Variants in TAFA2 observed in about 807,000 individuals in gnomAD.
The protein encoded by TAFA2 is chemokine-like protein TAFA-2.
In TAFA2, 7 loss-of-function variants were observed where a neutral mutation model predicts 18.8. The ratio of observed to expected loss-of-function variants is 0.37; its 90% CI spans 0.21 to 0.70. The LOEUF is 0.70. Among genes scored for constraint, TAFA2 ranks in the 30% least tolerant of loss-of-function variants. TAFA2 has a pLI of 0.53. For synonymous variants in TAFA2, 60 were observed against 54.2 expected (o/e 1.11, Z -0.47); for missense variants, 122 against 158.1 (o/e 0.77, Z 1.23).
intron 1 of TAFA2, among the ~76,000 whole-genome samples, chr12:62,098,533 A>C (rs981349754): frequency 9.2e-5 from 14 of 152,178 alleles, no homozygotes; most frequent in Non-Finnish European, 1.3e-4. Flanking sequence ...ACAGGCAGAG[A>C]CAGACAGATT....
intron 2 of TAFA2, among the ~76,000 whole-genome samples, chr12:61,836,161 T>C (rs1237001807): frequency 1.3e-5 from 2 of 151,950 alleles, no homozygotes; most frequent in Non-Finnish European, 2.9e-5. Flanking sequence ...CCCCCAAACC[T>C]ATTTATATCA....
rs1387827872 is a variant in TAFA2, at chr12:61,709,180, A to G, written c.*1226T>C. On this transcript the variant is annotated 3_prime_UTR_variant, in exon 5 of 5. Transcript: ENST00000416284. ...ATTCTATAACTTAGAAAAAAAAAGTACATACATGTTTAAGGCCTTTAAATA... is the reference window on the plus strand; with the variant it reads ...ATTCTATAACTTAGAAAAAAAAAGTGCATACATGTTTAAGGCCTTTAAATA... 1 of 152,604 alleles carries G rather than the reference A, an allele frequency of 6.6e-6. No homozygotes were observed. Among genetic ancestry groups the G allele is most frequent in the Non-Finnish European group, 1.5e-5 (1 of 68,020 alleles). 9.5% of individuals were successfully genotyped at this position (152,604 alleles called of 1,614,324 possible). A position where few individuals can be genotyped will look rare whatever the true frequency, so the allele number is the denominator to read the frequency against.
rs34781688 is a variant in TAFA2, at chr12:62,233,066, C to CTTTTTTTTTTTTTTTTT, written c.-130+25680_-130+25696dup. Among the ~76,000 whole-genome samples, 4 of 39,534 alleles carry CTTTTTTTTTTTTTTTTT rather than the reference C, an allele frequency of 1.0e-4. 1 individual carries two copies. Among genetic ancestry groups the CTTTTTTTTTTTTTTTTT allele is most frequent in the Non-Finnish European group, 1.4e-4 (3 of 22,064 alleles). 25.9% of individuals were successfully genotyped at this position (39,534 alleles called of 152,430 possible). A position where few individuals can be genotyped will look rare whatever the true frequency, so the allele number is the denominator to read the frequency against. ...TGTCCTCCCAGCAATTTCTGCATCT[C>CTTTTTTTTTTTTTTTTT]TTTTTTTTTTTTTTTTTTTTTTTTT... On this transcript the variant is annotated intron_variant, in intron 1 of 5. Transcript: ENST00000551619.
In TAFA2 at chr12:62,057,829, T is replaced by A. The variant is rs965822290; in HGVS notation, c.-2+133430A>T. ...CCACACTAATTAGACATTGTTTTTA[T>A]TGATTCATGTGGTGGGTATCAGTTC... On this transcript the variant is annotated intron_variant, in intron 1 of 4. Transcript: ENST00000416284. Among the ~76,000 whole-genome samples the A allele has an allele frequency of 1.6e-3, 231 of 143,572 alleles. 3 individuals are homozygous for A. The highest frequency in any genetic ancestry group is 5.5e-3 in the African/African-American group (223 of 40,774). 94.2% of individuals were successfully genotyped at this position (143,572 alleles called of 152,430 possible). A position where few individuals can be genotyped will look rare whatever the true frequency, so the allele number is the denominator to read the frequency against.
At chr12:61,903,425 C>T (rs1303452956) in intron 1 of TAFA2, among the ~76,000 whole-genome samples, 2 of 152,150 alleles carry the variant, frequency 1.3e-5, no homozygotes, top group African/African-American at 4.8e-5. Context: ...TTCATTTTTA[C>T]CACAATGAAC....
At chr12:61,962,317 C>T (rs1408625894) in intron 1 of TAFA2, among the ~76,000 whole-genome samples, 1 of 151,946 alleles carries the variant, frequency 6.6e-6, no homozygotes, top group Admixed American at 6.6e-5. Flanking sequence ...AAGGCTGGTT[C>T]CCATCATCTT....
intron 1 of TAFA2, among the ~76,000 whole-genome samples, chr12:61,990,296 A>G (rs1879957262): frequency 6.7e-6 from 1 of 148,468 alleles, no homozygotes; most frequent in Non-Finnish European, 1.5e-5. Context: ...CTTTTATTAG[A>G]CTATTTATTA....
intron 1 of TAFA2, chr12:62,022,103 C>G: frequency 5.9e-6 from 3 of 508,804 alleles, no homozygotes; most frequent in Non-Finnish European, 1.2e-5. Flanking sequence ...TTCCCCAACC[C>G]ACTGGCCCTT....
chr12:62,125,893 T>C (rs914720336), intron 1 of TAFA2, among the ~76,000 whole-genome samples: 5 of 152,096 alleles, frequency 3.3e-5, no homozygotes, highest in African/African-American at 1.2e-4. Flanking sequence ...GGGTTGTTTA[T>C]TGGGATATAC....
At chr12:61,833,024 A>T (rs1273750840) in intron 2 of TAFA2, among the ~76,000 whole-genome samples, 1 of 147,282 alleles carries the variant, frequency 6.8e-6, no homozygotes, top group Non-Finnish European at 1.5e-5. Context: ...AAATATATAT[A>T]ATATATAAAT....
intron 2 of TAFA2, 40 bp downstream of exon 2, chr12:61,867,280 T>C (rs1874395132): frequency 8.0e-7 from 1 of 1,247,812 alleles, no homozygotes; most frequent in Non-Finnish European, 1.2e-6. Flanking sequence ...AGGGTAGTCA[T>C]CATCCACATT....
At chr12:61,825,216 C>G (rs1399693857) in intron 2 of TAFA2, among the ~76,000 whole-genome samples, 1 of 152,016 alleles carries the variant, frequency 6.6e-6, no homozygotes, top group African/African-American at 2.4e-5. Flanking sequence ...AGGGCCTGAA[C>G]TAGGCTGGAA....
At chr12:62,102,973 T>G (rs1869276894) in intron 1 of TAFA2, among the ~76,000 whole-genome samples, 1 of 152,178 alleles carries the variant, frequency 6.6e-6, no homozygotes, top group Non-Finnish European at 1.5e-5. Flanking sequence ...ATATTCTGGG[T>G]AGTACTAGCC....
intron 1 of TAFA2, among the ~76,000 whole-genome samples, chr12:62,004,335 C>G (rs1388341911): frequency 6.6e-6 from 1 of 152,062 alleles, no homozygotes; most frequent in Non-Finnish European, 1.5e-5. Flanking sequence ...GTCCCTGTTA[C>G]AAGTGGATCA....
At chr12:62,021,574 G>A (rs1263034342) in intron 1 of TAFA2, 1 of 836,364 alleles carries the variant, frequency 1.2e-6, no homozygotes, top group South Asian at 1.3e-5. Flanking sequence ...CTGTTACGCT[G>A]TGGGGACTGG....
chr12:62,021,829 T>G lies in TAFA2; in HGVS notation c.-1-154403A>C, dbSNP rs1881151032. 4.9e-6 allele frequency: 4 copies of G among 822,262 alleles called. No homozygotes were observed. The East Asian group carries it at 9.7e-5, about 20-fold the overall frequency. The allele number at this position is 822,262 out of a possible 1,614,324, so 50.9% of individuals were successfully genotyped here. A position where few individuals can be genotyped will look rare whatever the true frequency, so the allele number is the denominator to read the frequency against. On this transcript the variant is annotated intron_variant, in intron 1 of 4. Transcript: ENST00000416284. ...TTAACACGGTCTCCGCTGTGGATCA[T>G]CAGGCCATCCACAAAACTTCATGGA...
chr12:61,729,066 C>T (rs1406499534), intron 4 of TAFA2, among the ~76,000 whole-genome samples: 1 of 151,668 alleles, frequency 6.6e-6, no homozygotes, highest in East Asian at 1.9e-4. Flanking sequence ...CTAAAAATAG[C>T]ACCCCAATCT....
At chr12:61,945,962 A>AG (rs1291439570) in intron 1 of TAFA2, among the ~76,000 whole-genome samples, 8 of 141,402 alleles carry the variant, frequency 5.7e-5, no homozygotes, top group Admixed American at 1.4e-4. Flanking sequence ...ACTACTTTAA[A>AG]GTTCATATGG....
chr12:61,740,187 G>A (rs1868382553), intron 4 of TAFA2, among the ~76,000 whole-genome samples: 1 of 152,016 alleles, frequency 6.6e-6, no homozygotes, highest in Admixed American at 6.6e-5. Context: ...TGCAATGTAA[G>A]TGTAAAATAT....
Sources: allele counts gnomAD v4.1 joint callset (sites outside exome capture counted in the v4.1 genomes callset), GRCh38; gene constraint gnomAD v4.1.1; transcripts MANE v1.5; gene names NCBI Gene and HGNC (gene_info 2026-07-23, HGNC 2026-07-21).